Variants in CPQ observed in about 807,000 individuals in gnomAD.
CPQ encodes the protein carboxypeptidase Q.
Under a neutral mutation model 45.7 loss-of-function variants are expected in CPQ, and 37 were observed. The observed-to-expected ratio is 0.81, with a 90% confidence interval of 0.62 to 1.07. The LOEUF is 1.07. CPQ is among the 50% of genes least tolerant of loss of function. The pLI, the probability that CPQ is intolerant of heterozygous loss-of-function variation, is 0.00. For synonymous variants in CPQ, 186 were observed against 205.8 expected, an observed-to-expected ratio of 0.90 and a Z score of 0.82; for missense variants, 537 against 572.9, an observed-to-expected ratio of 0.94 and a Z score of 0.64.
chr8:97,030,634 G>A (rs1318424469), intron 6 of CPQ, among the ~76,000 whole-genome samples: 1 of 152,094 alleles, frequency 6.6e-6, no homozygotes, highest in African/African-American at 2.4e-5. Flanking sequence ...CATCATATAA[G>A]GGTTGTTCTA....
chr8:96,680,448 TC>T (rs1809134558), intron 1 of CPQ: 1 of 152,170 alleles, frequency 6.6e-6, no homozygotes, highest in Non-Finnish European at 1.5e-5. Flanking sequence ...AACAGGAGTT[TC>T]CCTACACAAG....
intron 4 of CPQ, among the ~76,000 whole-genome samples, chr8:96,934,172 G>A (rs1586457595): frequency 6.6e-6 from 1 of 152,200 alleles, no homozygotes; most frequent in Admixed American, 6.5e-5. Context: ...GGCATGTCAT[G>A]TCTGGCATTC....
intron 2 of CPQ, among the ~76,000 whole-genome samples, chr8:96,808,782 T>A (rs1470319166): frequency 6.6e-6 from 1 of 152,176 alleles, no homozygotes; most frequent in East Asian, 1.9e-4. Context: ...TTTTAGCCTC[T>A]GTTTCCTCAC....
intron 7 of CPQ, among the ~76,000 whole-genome samples, chr8:97,110,130 G>A (rs938928390): frequency 1.3e-5 from 2 of 152,086 alleles, no homozygotes; most frequent in East Asian, 1.9e-4. Flanking sequence ...CTACTTTTCA[G>A]TCAACTGCCA....
At chr8:97,130,552 A>G (rs886539889) in intron 7 of CPQ, among the ~76,000 whole-genome samples, 4 of 151,774 alleles carry the variant, frequency 2.6e-5, no homozygotes, top group African/African-American at 4.8e-5. Flanking sequence ...TCTTCATCAT[A>G]AGGATTGTCC....
chr8:97,120,555 A>G (rs1477402683), intron 7 of CPQ, among the ~76,000 whole-genome samples: 3 of 152,236 alleles, frequency 2.0e-5, no homozygotes, highest in South Asian at 2.1e-4. Flanking sequence ...TGCAGTTCCA[A>G]TAAAATCTCA....
intron 4 of CPQ, among the ~76,000 whole-genome samples, chr8:96,963,679 T>C (rs1813501258): frequency 6.6e-6 from 1 of 152,200 alleles, no homozygotes; most frequent in African/African-American, 2.4e-5. Context: ...TCTAAAAAAA[T>C]TATATTGAAG....
intron 1 of CPQ, among the ~76,000 whole-genome samples, chr8:96,754,519 C>T (rs1011616531): frequency 3.3e-5 from 5 of 151,938 alleles, no homozygotes; most frequent in Non-Finnish European, 5.9e-5. Context: ...TTATATAATG[C>T]GGGTCTCATA....
chr8:96,812,469 A>G (rs1312979462), intron 2 of CPQ, among the ~76,000 whole-genome samples: 2 of 152,204 alleles, frequency 1.3e-5, no homozygotes, highest in African/African-American at 2.4e-5. Context: ...CATGCATAAT[A>G]AAGAACTTTT....
chr8:97,034,971 C>T (rs1371724590), intron 6 of CPQ, among the ~76,000 whole-genome samples: 1 of 151,692 alleles, frequency 6.6e-6, no homozygotes, highest in African/African-American at 2.4e-5. Flanking sequence ...CAGCTCACTG[C>T]AACCTCCGCC....
chr8:97,005,876 T>A (rs989561880), intron 5 of CPQ, among the ~76,000 whole-genome samples: 1 of 152,200 alleles, frequency 6.6e-6, no homozygotes, highest in African/African-American at 2.4e-5. Context: ...GAAATTTTTT[T>A]ATCATATATG....
At chr8:96,816,150 C>T (rs1811226531) in intron 2 of CPQ, among the ~76,000 whole-genome samples, 1 of 152,128 alleles carries the variant, frequency 6.6e-6, no homozygotes, top group Non-Finnish European at 1.5e-5. Context: ...GTAGGACTTC[C>T]AAAATTGGAG....
At position 96,848,258 on chromosome 8, in the gene CPQ, A is replaced by C. The variant is rs575814442; in HGVS notation, c.641+13078A>C. ...ATATTTCAAGCCAGGAGAAGACCCA[A>C]TTTTTGTAGGGGTAGGAACTTACAT... On this transcript the variant is annotated intron_variant, in intron 3 of 7. Transcript: ENST00000220763. Among the ~76,000 whole-genome samples the C allele has an allele frequency of 1.8e-3, 275 of 152,176 alleles. 1 individual carries two copies. The highest frequency in any genetic ancestry group is 3.1e-3 in the Non-Finnish European group (213 of 68,022).
At chr8:96,833,911 A>G (rs1441959875) in intron 2 of CPQ, among the ~76,000 whole-genome samples, 1 of 152,202 alleles carries the variant, frequency 6.6e-6, no homozygotes, top group Non-Finnish European at 1.5e-5. Context: ...AACAGTTAAC[A>G]TTTGTTAAGC....
chr8:97,122,215 GACA>G (rs1586551430), intron 7 of CPQ, among the ~76,000 whole-genome samples: 1 of 151,916 alleles, frequency 6.6e-6, no homozygotes, highest in East Asian at 1.9e-4. Flanking sequence ...CATGATAAGC[GACA>G]AGAAAATCAT....
At chr8:96,828,454 T>C (rs1376572179) in intron 2 of CPQ, among the ~76,000 whole-genome samples, 2 of 152,040 alleles carry the variant, frequency 1.3e-5, no homozygotes, top group East Asian at 1.9e-4. Context: ...TCCTAGTCAA[T>C]TGGCACTCAT....
At chr8:96,841,145 C>T (rs80089733) in intron 3 of CPQ, among the ~76,000 whole-genome samples, 6,561 of 152,098 alleles carry the variant, frequency 0.043, 181 homozygotes, top group Middle Eastern at 0.1. Context: ...ATGTAGGGGT[C>T]GGGAGAGGGA....
At chr8:97,008,468 G>C (rs1380751786) in intron 5 of CPQ, among the ~76,000 whole-genome samples, 2 of 152,054 alleles carry the variant, frequency 1.3e-5, no homozygotes, top group Non-Finnish European at 2.9e-5. Context: ...ATTTTTTTCA[G>C]TTTTGTGACT....
intron 1 of CPQ, among the ~76,000 whole-genome samples, chr8:96,679,865 C>A (rs992115730): frequency 2.0e-5 from 3 of 151,674 alleles, no homozygotes; most frequent in Non-Finnish European, 4.4e-5. Flanking sequence ...TTTTCAAAAA[C>A]CAACTTTTCA....
Sources: allele counts gnomAD v4.1 joint callset (sites outside exome capture counted in the v4.1 genomes callset), GRCh38; gene constraint gnomAD v4.1.1; transcripts MANE v1.5; gene names NCBI Gene and HGNC (gene_info 2026-07-23, HGNC 2026-07-21).